The following DMTN variants were observed in gnomAD, a reference collection of about 807,000 sequenced individuals.
DMTN encodes dematin actin binding protein, also known as dematin.
Under a neutral mutation model 59.4 loss-of-function variants are expected in DMTN, and 27 were observed. The ratio of observed to expected loss-of-function variants is 0.45; its 90% CI spans 0.33 to 0.63. DMTN has a LOEUF of 0.63. Ranked by LOEUF, DMTN falls within the 20% of genes least tolerant of loss-of-function variation. The pLI, the probability that DMTN is intolerant of heterozygous loss-of-function variation, is 0.02. For synonymous variants in DMTN, 221 were observed against 203.7 expected (o/e 1.08, Z -0.72); for missense variants, 451 against 528.9 (o/e 0.85, Z 1.45).
chr8:22,062,560 C>T (rs1807372361), intron 1 of DMTN, among the ~76,000 whole-genome samples: 1 of 152,132 alleles, frequency 6.6e-6, no homozygotes, highest in Non-Finnish European at 1.5e-5. Flanking sequence ...TGTCTGCAAA[C>T]ACATTAAAGG....
At chr8:22,053,505 G>C (rs574586885), upstream of DMTN, 1 of 152,472 alleles carries the variant, frequency 6.6e-6, no homozygotes, top group Admixed American at 6.5e-5. Context: ...TAGCTCCCCC[G>C]CCCAGCAGGT....
upstream of DMTN, among the ~76,000 whole-genome samples, chr8:22,051,397 A>G (rs1424199762): frequency 6.6e-6 from 1 of 152,112 alleles, no homozygotes; most frequent in Non-Finnish European, 1.5e-5. Flanking sequence ...AACTGGTTCC[A>G]CTTACATCAT....
intron 5 of DMTN, 78 bp from the exon 6 acceptor site, chr8:22,069,341 G>C (rs910101040): frequency 8.1e-7 from 1 of 1,242,174 alleles, no homozygotes; most frequent in Non-Finnish European, 1.1e-6. Flanking sequence ...GGACAGAGAG[G>C]GTGGTGTGAG....
In DMTN at chr8:22,073,852, G is replaced by T. The variant is rs1179505635; in HGVS notation, c.835+17G>T. On this transcript the variant is annotated intron_variant, in intron 10 of 15. Coordinates refer to ENST00000358242, the MANE Select transcript of DMTN (RefSeq NM_001387751.1). ...TCCATACCTGTGAGTGCTGTGGAGGGGGCTCAGAGTCACCTGGCCAGAGAT... is the reference window on the plus strand; with the variant it reads ...TCCATACCTGTGAGTGCTGTGGAGGTGGCTCAGAGTCACCTGGCCAGAGAT... 6.2e-7 allele frequency: 1 copy of T among 1,608,508 alleles called. No homozygotes were observed. Among genetic ancestry groups the T allele is most frequent in the South Asian group, 1.1e-5 (1 of 90,900 alleles).
rs1419805152 is a variant in DMTN at position 22,082,514 on chromosome 8, A to C, written c.*1051A>C. 1 of 295,656 alleles carries C rather than the reference A, an allele frequency of 3.4e-6. No homozygotes were observed. The highest frequency in any genetic ancestry group is 8.8e-5 in the East Asian group (1 of 11,378). The allele number at this position is 295,656 out of a possible 1,614,324, so 18.3% of individuals were successfully genotyped here. On this transcript the variant is annotated 3_prime_UTR_variant, in exon 16 of 16. Transcript: ENST00000358242. ...ACTCTGCTTGGAATTAAAAGGTTGC[A>C]TTGGGTCCCTACATCTGTCTTTTCC...
chr8:22,053,918 CCT>C (rs1320212074), upstream of DMTN: 1 of 152,262 alleles, frequency 6.6e-6, no homozygotes, highest in East Asian at 1.9e-4. Context: ...GAGAATCTCC[CCT>C]CTCAGACAAG....
At position 22,072,439 on chromosome 8, in the gene DMTN, G is replaced by A. The variant is rs1463597450; in HGVS notation, c.718G>A (p.Glu240Lys). The A allele has an allele frequency of 2.6e-6, 4 of 1,566,658 alleles. No homozygotes were observed. The highest frequency in any genetic ancestry group is 1.9e-5 in the Admixed American group (1 of 53,594). ...MKALRERQRE[E>K]LSKVTSNLGK... is the part of the protein sequence containing the mutation. ...GGCTCTCAGGGAGCGTCAGAGAGAG[G>A]AACTCAGTAAGGTAGCATCTCACCA... Residue 240 changes from glutamate to lysine, a missense_variant, in exon 9 of 16, where the codon GAA (glutamate) becomes AAA (lysine). By Grantham distance (56) the Glu-to-Lys change is moderately conservative. Coordinates refer to ENST00000358242, the MANE Select transcript of DMTN (RefSeq NM_001387751.1).
intron 10 of DMTN, among the ~76,000 whole-genome samples, chr8:22,078,836 AC>A (rs1423624118): frequency 8.9e-6 from 1 of 112,612 alleles, no homozygotes; most frequent in African/African-American, 3.4e-5. Flanking sequence ...TCGCTCTATC[AC>A]CCAGGCTGGA....
chr8:22,065,632 C>T (rs1809933984), intron 1 of DMTN, among the ~76,000 whole-genome samples: 1 of 151,938 alleles, frequency 6.6e-6, no homozygotes, highest in Non-Finnish European at 1.5e-5. Flanking sequence ...CACTTGAGGT[C>T]AGGAGTTCAG....
chr8:22,072,385 G>A lies in DMTN; in HGVS notation c.664G>A (p.Glu222Lys), dbSNP rs758662436. 14 of 1,602,076 alleles carry A rather than the reference G, an allele frequency of 8.7e-6. No individual in the cohort carries two copies. Among genetic ancestry groups the A allele is most frequent in the Non-Finnish European group, 1.2e-5 (14 of 1,173,792 alleles). The change falls in exon 9 of 16, where the codon GAA becomes AAA. Residue 222 changes from glutamate to lysine, a missense_variant. Transcript: ENST00000358242. The part of the protein sequence containing the change: ...RRGAEEEEEE[E>K]DDDSGEEMKA... ...GGGAGCAGAGGAAGAGGAGGAGGAG[G>A]AAGATGACGACTCTGGAGAGGAGAT...
At chr8:22,065,283 C>T (rs936655598) in intron 1 of DMTN, among the ~76,000 whole-genome samples, 2 of 152,222 alleles carry the variant, frequency 1.3e-5, no homozygotes, top group African/African-American at 4.8e-5. Context: ...ATCCTCTCTC[C>T]TTGGCCTCCC....
At chr8:22,072,201 T>G in intron 8 of DMTN, 125 bp from the exon 9 acceptor site, 1 of 1,299,216 alleles carries the variant, frequency 7.7e-7, no homozygotes, top group South Asian at 1.7e-5. Flanking sequence ...CTTTATTTTT[T>G]AAAAAAATTT....
upstream of DMTN, among the ~76,000 whole-genome samples, chr8:22,049,573 C>T (rs953522966): frequency 2.4e-5 from 2 of 83,494 alleles, no homozygotes; most frequent in Non-Finnish European, 4.3e-5. Context: ...GGGACAACCC[C>T]CCCCCCCCGC....
In DMTN at chr8:22,081,724, T is replaced by C. The variant is rs1002964262; in HGVS notation, c.*261T>C. 2 of 569,726 alleles carry C rather than the reference T, an allele frequency of 3.5e-6. No individual in the cohort carries two copies. The highest frequency in any genetic ancestry group is 6.5e-6 in the Non-Finnish European group (2 of 308,450). The allele number at this position is 569,726 out of a possible 1,614,324, so 35.3% of individuals were successfully genotyped here. A position where few individuals can be genotyped will look rare whatever the true frequency, so the allele number is the denominator to read the frequency against. The stretch of plus-strand genomic sequence containing the variant: ...TCTGGGCTCTGGCACACAGAGTTCA[T>C]GTTTGCGCCCTCTCCCTGCCCCTCA... On this transcript the variant is annotated 3_prime_UTR_variant, in exon 16 of 16. Coordinates refer to ENST00000358242, the MANE Select transcript of DMTN (RefSeq NM_001387751.1).
chr8:22,071,730 C>T (rs901014283), intron 8 of DMTN, among the ~76,000 whole-genome samples: 6 of 152,048 alleles, frequency 3.9e-5, no homozygotes, highest in Non-Finnish European at 5.9e-5. Flanking sequence ...CAGGCGCCCG[C>T]CACCACGCCC....
intron 2 of DMTN, 57 bp from the exon 3 acceptor site, chr8:22,067,028 C>A: frequency 6.7e-7 from 1 of 1,499,762 alleles, no homozygotes. Flanking sequence ...GGGCCGCCCC[C>A]GCCCCGCTCC....
rs765209206 is a variant in DMTN, at chr8:22,080,758, A to C, written c.958-47A>C. ...AGAAGAAGCCGGGGTAAGGCTGGGAAGGTCTCCCTGCCCCGCTCTGGCTCA... is the reference window on the plus strand; with the variant it reads ...AGAAGAAGCCGGGGTAAGGCTGGGACGGTCTCCCTGCCCCGCTCTGGCTCA... On this transcript the variant is annotated intron_variant, in intron 13 of 15. Transcript: ENST00000358242. 6 of 1,595,542 alleles carry C rather than the reference A, an allele frequency of 3.8e-6. No individual in the cohort carries two copies. The East Asian group carries it at 1.1e-4, about 30-fold the overall frequency.
chr8:22,056,496 G>A (rs117140072), upstream of DMTN, among the ~76,000 whole-genome samples: 25 of 152,186 alleles, frequency 1.6e-4, no homozygotes, highest in East Asian at 4.3e-3. Flanking sequence ...CCCCTCCCTC[G>A]ACCCACCGCC....
chr8:22,074,715 A>C (rs1818374924), intron 10 of DMTN, among the ~76,000 whole-genome samples: 1 of 152,194 alleles, frequency 6.6e-6, no homozygotes, highest in Non-Finnish European at 1.5e-5. Flanking sequence ...GTCTGGAATT[A>C]CAGAGTACAG....
Sources: allele counts gnomAD v4.1 joint callset (sites outside exome capture counted in the v4.1 genomes callset), GRCh38; gene constraint gnomAD v4.1.1; transcripts MANE v1.5; gene names NCBI Gene and HGNC (gene_info 2026-07-23, HGNC 2026-07-21).